The following GPM6A variants were observed in gnomAD, a reference collection of about 807,000 sequenced individuals.
The protein encoded by GPM6A is glycoprotein M6A.
In GPM6A, 7 loss-of-function variants were observed where a neutral mutation model predicts 32.1. The observed-to-expected ratio is 0.22, with a 90% CI of 0.12 to 0.41. The LOEUF (loss-of-function observed/expected upper bound fraction) is 0.41. Among genes scored for constraint, GPM6A ranks in the 10% least tolerant of loss-of-function variants. GPM6A has a pLI of 1.00. For missense variants in GPM6A, 235 were observed against 347.2 expected (o/e 0.68, Z 2.57); for synonymous variants, 130 against 123.4 (o/e 1.05, Z -0.35).
intron 1 of GPM6A, among the ~76,000 whole-genome samples, chr4:175,778,621 A>C: frequency 1.1e-5 from 1 of 87,846 alleles, no homozygotes; most frequent in Non-Finnish European, 2.2e-5. Flanking sequence ...AAGACTCTGT[A>C]TCCAACAAAA....
At chr4:175,727,872 C>T (rs1424489246) in intron 1 of GPM6A, among the ~76,000 whole-genome samples, 2 of 152,022 alleles carry the variant, frequency 1.3e-5, no homozygotes, top group South Asian at 2.1e-4. Context: ...GGCATGGTGG[C>T]GCATGCCTGT....
chr4:175,966,328 T>A (rs191171809), intron 1 of GPM6A, among the ~76,000 whole-genome samples: 3 of 151,978 alleles, frequency 2.0e-5, no homozygotes, highest in African/African-American at 7.2e-5. Context: ...CTTGAGCCCA[T>A]GAGGTGAAGG....
intron 3 of GPM6A, among the ~76,000 whole-genome samples, chr4:175,664,447 A>G (rs1742619931): frequency 6.6e-6 from 1 of 152,212 alleles, no homozygotes. Context: ...AAAAAGGAGT[A>G]TATGTGAGCC....
intron 1 of GPM6A, among the ~76,000 whole-genome samples, chr4:175,766,907 G>A (rs746705416): frequency 1.1e-4 from 17 of 152,056 alleles, no homozygotes; most frequent in South Asian, 2.1e-4. Context: ...TGCCTGCCTC[G>A]GCCTCCTAAA....
chr4:175,826,876 C>T (rs1021811697), intron 1 of GPM6A, among the ~76,000 whole-genome samples: 5 of 152,024 alleles, frequency 3.3e-5, no homozygotes, highest in African/African-American at 7.2e-5. Context: ...AGTAATCTGT[C>T]GGTTTACTCC....
chr4:175,651,882 T>A lies in GPM6A; in HGVS notation c.493A>T (p.Thr165Ser), dbSNP rs753231161. 3.2e-5 allele frequency: 52 copies of A among 1,613,488 alleles called. No individual in the cohort carries two copies. Among genetic ancestry groups the A allele is most frequent in the Non-Finnish European group, 4.2e-5 (49 of 1,179,678 alleles). ...AGATTTGCTCCCTCCACTAATGTGGTGTTCCGGCAGATGGTCCACAGATTG... is the reference window on the plus strand; with the variant it reads ...AGATTTGCTCCCTCCACTAATGTGGAGTTCCGGCAGATGGTCCACAGATTG... ...YFNLWTICRN[T>S]TLVEGANLCL... is the part of the protein sequence containing the mutation. The change falls in exon 4 of 7, where the codon ACC becomes TCC. Residue 165 changes from threonine to serine, a missense_variant. Physicochemically the swap from Thr to Ser is moderately conservative, Grantham distance 58. Coordinates refer to ENST00000393658, the MANE Select transcript of GPM6A (RefSeq NM_201591.3).
chr4:175,954,670 TC>T (rs1239438966), intron 1 of GPM6A, among the ~76,000 whole-genome samples: 1 of 152,238 alleles, frequency 6.6e-6, no homozygotes, highest in African/African-American at 2.4e-5. Flanking sequence ...ATTTCTGTTT[TC>T]CTTTCAGTGA....
intron 1 of GPM6A, among the ~76,000 whole-genome samples, chr4:175,904,081 C>T (rs1346995642): frequency 1.3e-5 from 2 of 151,930 alleles, no homozygotes; most frequent in Admixed American, 6.6e-5. Context: ...GAGTAGCACA[C>T]TATTTTTTTC....
At chr4:175,726,295 A>G (rs551024154) in intron 1 of GPM6A, among the ~76,000 whole-genome samples, 4 of 152,036 alleles carry the variant, frequency 2.6e-5, no homozygotes, top group Non-Finnish European at 5.9e-5. Context: ...CACTGCGCCC[A>G]GCCTACCTTG....
At chr4:175,790,004 A>G (rs1446213277) in intron 1 of GPM6A, among the ~76,000 whole-genome samples, 1 of 152,208 alleles carries the variant, frequency 6.6e-6, no homozygotes, top group Non-Finnish European at 1.5e-5. Context: ...GGCTGTTTCA[A>G]CCTTTTCTTA....
At chr4:175,962,201 T>C (rs578024983) in intron 1 of GPM6A, 53 of 1,232,768 alleles carry the variant, frequency 4.3e-5, no homozygotes, top group African/African-American at 4.0e-4. Context: ...CCCTGGAGTA[T>C]TGGAGTCAGT....
chr4:175,828,390 G>A (rs1394358491), intron 1 of GPM6A, among the ~76,000 whole-genome samples: 1 of 152,138 alleles, frequency 6.6e-6, no homozygotes, highest in Non-Finnish European at 1.5e-5. Flanking sequence ...ACTTTGGATG[G>A]TTCCATGGCC....
intron 1 of GPM6A, among the ~76,000 whole-genome samples, chr4:176,000,060 G>C (rs574954285): frequency 6.6e-6 from 1 of 152,082 alleles, no homozygotes; most frequent in Non-Finnish European, 1.5e-5. Flanking sequence ...TTGAATCTCT[G>C]TCCTGAGTTC....
intron 4 of GPM6A, chr4:175,641,253 G>T (rs756774382): frequency 1.9e-4 from 30 of 157,712 alleles, no homozygotes; most frequent in Non-Finnish European, 3.9e-4. Context: ...GCCCAAAGGA[G>T]TACTTTTTTT....
chr4:175,856,996 C>G (rs577348890), intron 1 of GPM6A, among the ~76,000 whole-genome samples: 1 of 152,184 alleles, frequency 6.6e-6, no homozygotes, highest in East Asian at 1.9e-4. Flanking sequence ...TGGGTGGAGC[C>G]CTCACCCAGG....
intron 3 of GPM6A, 89 bp from the exon 4 acceptor site, chr4:175,652,076 A>C (rs1741841733): frequency 1.1e-6 from 1 of 927,442 alleles, no homozygotes. Context: ...CATTATAGGA[A>C]GTTTATGGGA....
At chr4:175,763,043 A>G (rs1459995872) in intron 1 of GPM6A, among the ~76,000 whole-genome samples, 1 of 152,202 alleles carries the variant, frequency 6.6e-6, no homozygotes, top group Non-Finnish European at 1.5e-5. Context: ...TGAATTGTAC[A>G]CATTAATTGG....
At chr4:175,839,942 T>C (rs563178755) in intron 1 of GPM6A, among the ~76,000 whole-genome samples, 8 of 152,268 alleles carry the variant, frequency 5.3e-5, no homozygotes, top group Non-Finnish European at 1.2e-4. Flanking sequence ...AAATTGAAAA[T>C]TATAATTCCT....
intron 1 of GPM6A, among the ~76,000 whole-genome samples, chr4:175,706,269 GA>G (rs1435246423): frequency 6.6e-6 from 1 of 152,112 alleles, no homozygotes; most frequent in Non-Finnish European, 1.5e-5. Flanking sequence ...TTTAAAAAAA[GA>G]TACTGACATT....
Sources: allele counts gnomAD v4.1 joint callset (sites outside exome capture counted in the v4.1 genomes callset), GRCh38; gene constraint gnomAD v4.1.1; transcripts MANE v1.5; gene names NCBI Gene and HGNC (gene_info 2026-07-23, HGNC 2026-07-21).